ZFHX3: variants seen among roughly 807,000 people sequenced by gnomAD.
The protein encoded by ZFHX3 is zinc finger homeobox protein 3.
ZFHX3 carries 42 observed loss-of-function variants against 279.1 expected under a neutral mutation model. The observed-to-expected ratio is 0.15, with a 90% CI of 0.12 to 0.19. The LOEUF (loss-of-function observed/expected upper bound fraction) is 0.19, where lower values mean the gene tolerates loss of function less well. Ranked by LOEUF, ZFHX3 falls within the 10% of genes least tolerant of loss-of-function variation. The pLI is 1.00. For missense variants in ZFHX3, 4,981 were observed against 4,754.0 expected (o/e 1.05, Z -1.40); for synonymous variants, 2,293 against 1,957.8 (o/e 1.17, Z -4.52).
chr16:73,015,667 C>T (rs1040234831), intron 1 of ZFHX3: 2 of 152,274 alleles, frequency 1.3e-5, no homozygotes, highest in Non-Finnish European at 2.9e-5. Flanking sequence ...CGCTGTGATG[C>T]CAGGCAGCCA....
intron 2 of ZFHX3, among the ~76,000 whole-genome samples, chr16:73,574,353 C>CA (rs1555525573): frequency 2.6e-4 from 40 of 152,266 alleles, no homozygotes; most frequent in African/African-American, 7.9e-4. Context: ...GGGCCCCCCC[C>CA]AGCATCCACT....
At chr16:73,809,394 G>C (rs1472498843) in intron 1 of ZFHX3, 1 of 152,248 alleles carries the variant, frequency 6.6e-6, no homozygotes, top group Non-Finnish European at 1.5e-5. Context: ...GTAGGGAAAA[G>C]ATGGCCTGAC....
intron 2 of ZFHX3, among the ~76,000 whole-genome samples, chr16:73,479,917 GC>G (rs539126737): frequency 7.5e-4 from 114 of 152,246 alleles, no homozygotes; most frequent in African/African-American, 2.7e-3. Flanking sequence ...CCCGTTTATG[GC>G]TGGGCAAATG....
At chr16:72,952,661 C>T (rs540884446) in intron 2 of ZFHX3, among the ~76,000 whole-genome samples, 2 of 152,326 alleles carry the variant, frequency 1.3e-5, no homozygotes, top group African/African-American at 4.8e-5. Flanking sequence ...TCCACGTCTC[C>T]ACGAAAGGGC....
intron 1 of ZFHX3, among the ~76,000 whole-genome samples, chr16:72,993,071 G>A (rs969104777): frequency 2.6e-5 from 4 of 152,244 alleles, no homozygotes; most frequent in African/African-American, 9.6e-5. Flanking sequence ...GGGAGGTGGA[G>A]GCTGTGGTGA....
chr16:73,673,858 T>C (rs2052927883), intron 2 of ZFHX3, among the ~76,000 whole-genome samples: 1 of 152,092 alleles, frequency 6.6e-6, no homozygotes, highest in African/African-American at 2.4e-5. Flanking sequence ...ATCTAGAACG[T>C]ATGCACATCA....
At chr16:73,457,758 G>A (rs1396965352) in intron 2 of ZFHX3, among the ~76,000 whole-genome samples, 1 of 152,222 alleles carries the variant, frequency 6.6e-6, no homozygotes, top group African/African-American at 2.4e-5. Context: ...CTGGGCAACA[G>A]AGCGAGACTC....
At chr16:72,949,191 G>C (rs757039446) in intron 3 of ZFHX3, among the ~76,000 whole-genome samples, 1 of 152,214 alleles carries the variant, frequency 6.6e-6, no homozygotes, top group African/African-American at 2.4e-5. Flanking sequence ...CAAAGGACTA[G>C]AAGTCTTCCT....
chr16:73,581,693 T>C (rs1173296138), intron 2 of ZFHX3, among the ~76,000 whole-genome samples: 3 of 124,664 alleles, frequency 2.4e-5, no homozygotes, highest in African/African-American at 9.5e-5. Context: ...TTTTTTGAGA[T>C]GGAATCTCAC....
chr16:73,310,839 G>A (rs1330108906), intron 4 of ZFHX3, among the ~76,000 whole-genome samples: 2 of 150,230 alleles, frequency 1.3e-5, no homozygotes, highest in Non-Finnish European at 3.0e-5. Flanking sequence ...CTTGATATAG[G>A]CTCACCCTGT....
chr16:73,672,360 C>CTA (rs1567547969), intron 2 of ZFHX3, among the ~76,000 whole-genome samples: 1 of 152,086 alleles, frequency 6.6e-6, no homozygotes, highest in African/African-American at 2.4e-5. Flanking sequence ...TGAAGACTTC[C>CTA]GTGTTACCAT....
intron 1 of ZFHX3, among the ~76,000 whole-genome samples, chr16:73,798,582 G>GAC (rs10531772): frequency 0.01 from 1,554 of 150,860 alleles, 6 homozygotes; most frequent in Admixed American, 0.014. Context: ...CACACACACA[G>GAC]ACACACACAC....
At chr16:73,065,578 TG>T (rs1965739378) in intron 8 of ZFHX3, among the ~76,000 whole-genome samples, 1 of 120,758 alleles carries the variant, frequency 8.3e-6, no homozygotes, top group Non-Finnish European at 1.8e-5. Context: ...TGTGTGTGTG[TG>T]TGTGTGTGTG....
intron 1 of ZFHX3, chr16:73,793,964 G>C (rs776600127): frequency 6.6e-6 from 1 of 152,046 alleles, no homozygotes; most frequent in Non-Finnish European, 1.5e-5. Context: ...TTTATGAGGC[G>C]TGTGGAAAAT....
intron 5 of ZFHX3, among the ~76,000 whole-genome samples, chr16:73,248,255 C>T (rs1392548622): frequency 6.8e-6 from 1 of 147,852 alleles, no homozygotes; most frequent in Non-Finnish European, 1.5e-5. Context: ...TGTTTATGTG[C>T]GTGTATGTGG....
intron 4 of ZFHX3, among the ~76,000 whole-genome samples, chr16:73,310,767 TA>T (rs2015305712): frequency 6.6e-6 from 1 of 152,202 alleles, no homozygotes; most frequent in Non-Finnish European, 1.5e-5. Context: ...AAAGAATCGT[TA>T]AAAATTATTG....
chr16:73,289,413 G>A lies in ZFHX3; in HGVS notation c.-1194+28827C>T, dbSNP rs140430683. On this transcript the variant is annotated intron_variant, in intron 4 of 17. Transcript: ENST00000641206. ...GGATGTAAGAGGGTGACTCAAAACA[G>A]CATCTTCAGGGAAGCCCAGCTGTGT... 4.5e-4 allele frequency among the ~76,000 whole-genome samples: 68 copies of A among 152,154 alleles called. No homozygotes were observed. In the East Asian group the frequency reaches 0.011, roughly 25 times the overall value.
At chr16:73,143,682 T>A (rs1302205855) in intron 6 of ZFHX3, 5 of 1,166,422 alleles carry the variant, frequency 4.3e-6, no homozygotes, top group Non-Finnish European at 3.5e-6. Context: ...CTGGTTAGTC[T>A]TTTTTGACTG....
At chr16:73,325,565 C>A (rs539057935) in intron 3 of ZFHX3, among the ~76,000 whole-genome samples, 1 of 151,950 alleles carries the variant, frequency 6.6e-6, no homozygotes, top group South Asian at 2.1e-4. Flanking sequence ...AAGGTAGGTG[C>A]GAAGTAGCTC....
Sources: gnomAD v4.1 joint callset for allele counts (sites outside exome capture counted in the v4.1 genomes callset) on GRCh38, gnomAD v4.1.1 for gene constraint, MANE v1.5 for transcripts, NCBI Gene and HGNC (gene_info 2026-07-23, HGNC 2026-07-21) for gene names.